SGK3: variants seen among roughly 807,000 people sequenced by gnomAD.
The protein encoded by SGK3 is serine/threonine-protein kinase Sgk3.
SGK3 carries 47 observed loss-of-function variants against 68.5 expected under a neutral mutation model. That is an observed-to-expected ratio of 0.69 (90% CI 0.54 to 0.87). The LOEUF (loss-of-function observed/expected upper bound fraction) is 0.87, where lower values mean the gene tolerates loss of function less well. Among genes scored for constraint, SGK3 ranks in the 40% least tolerant of loss-of-function variants. The probability of loss-of-function intolerance (pLI) is 0.00; values close to 1 mark genes in which losing one functional copy is unlikely to be tolerated. For synonymous variants in SGK3, 181 were observed against 189.1 expected (o/e 0.96, Z 0.35); for missense variants, 479 against 575.5 (o/e 0.83, Z 1.72).
Position 66,740,722 on chromosome 8 carries a change from C to T in SGK3, c.-122+27889C>T, listed in dbSNP as rs535324749. Among the ~76,000 whole-genome samples the T allele has an allele frequency of 3.3e-5, 5 of 152,176 alleles. No homozygotes were observed. The East Asian group carries it at 7.7e-4, about 24-fold the overall frequency. On this transcript the variant is annotated intron_variant, in intron 1 of 16. Transcript: ENST00000521198. ...AGGAGGTCAAGACCAGCCTGGCCAA[C>T]ATGGCGAAACCCTGTCTCTACTGAA...
chr8:66,830,369 A>T (rs1367889216), intron 7 of SGK3, among the ~76,000 whole-genome samples: 1 of 152,270 alleles, frequency 6.6e-6, no homozygotes, highest in African/African-American at 2.4e-5. Context: ...ATCTAAATAT[A>T]GTTAAGTGTT....
intron 1 of SGK3, among the ~76,000 whole-genome samples, chr8:66,758,749 C>G (rs1288828027): frequency 6.6e-6 from 1 of 152,126 alleles, no homozygotes; most frequent in Non-Finnish European, 1.5e-5. Flanking sequence ...CTCCCGGGCT[C>G]AAGCAGTCCT....
intron 1 of SGK3, among the ~76,000 whole-genome samples, chr8:66,732,864 A>C (rs1373772512): frequency 6.6e-6 from 1 of 152,146 alleles, no homozygotes; most frequent in Non-Finnish European, 1.5e-5. Context: ...TTAAAAAAAA[A>C]AATTATTGTT....
intron 5 of SGK3, among the ~76,000 whole-genome samples, chr8:66,816,860 T>G (rs1316009649): frequency 1.3e-5 from 2 of 152,106 alleles, no homozygotes; most frequent in Non-Finnish European, 2.9e-5. Context: ...AGACAGACTC[T>G]CGCTCTATCG....
intron 3 of SGK3, among the ~76,000 whole-genome samples, chr8:66,802,342 C>A (rs1183089243): frequency 1.3e-5 from 2 of 152,146 alleles, no homozygotes; most frequent in Non-Finnish European, 2.9e-5. Flanking sequence ...TAATTGTCAA[C>A]TTCAATGTGT....
chr8:66,831,332 T>C, intron 8 of SGK3, 21 bp downstream of exon 8: 1 of 1,612,280 alleles, frequency 6.2e-7, no homozygotes, highest in South Asian at 1.1e-5. Context: ...TTTGTGAGGT[T>C]TTTATTTGGT....
At chr8:66,722,870 G>GC (rs1224258990) in intron 1 of SGK3, among the ~76,000 whole-genome samples, 1 of 151,724 alleles carries the variant, frequency 6.6e-6, no homozygotes, top group Non-Finnish European at 1.5e-5. Flanking sequence ...AGGAGCAAGA[G>GC]CAAGAGTGGT....
At chr8:66,852,186 T>C (rs554512095) in intron 16 of SGK3, among the ~76,000 whole-genome samples, 1 of 151,962 alleles carries the variant, frequency 6.6e-6, no homozygotes, top group African/African-American at 2.4e-5. Context: ...GAATAGAATA[T>C]AAGCCAAGAC....
At position 66,804,439 on chromosome 8, in the gene SGK3, T is replaced by A; in HGVS notation, c.245T>A (p.Phe82Tyr). The stretch of plus-strand genomic sequence containing the variant: ...GCCAAGAGAATATTTGGTGATAATT[T>A]TGATCCAGGTAAGAAACAACTTCAT... ...IPAKRIFGDN[F>Y]DPDFIKQRRA... is the part of the protein sequence containing the mutation. The change falls in exon 4 of 17, where the codon TTT (phenylalanine) becomes TAT (tyrosine). Residue 82 changes from phenylalanine (F) to tyrosine (Y), a missense_variant. Transcript: ENST00000521198. 1 of 1,612,546 alleles carries A rather than the reference T, an allele frequency of 6.2e-7. No individual in the cohort carries two copies. Among genetic ancestry groups the A allele is most frequent in the Non-Finnish European group, 8.5e-7 (1 of 1,179,444 alleles).
rs111728848 is a variant in SGK3 at position 66,727,720 on chromosome 8, C to T, written c.-122+14887C>T. On this transcript the variant is annotated intron_variant, in intron 1 of 16. Coordinates refer to ENST00000521198, the MANE Select transcript of SGK3 (RefSeq NM_001033578.3). ...CCATTCAAGGACACAGCAAGAGGCCCTCAACAGGTGCTGACACCTTGATCT... is the reference window on the plus strand; with the variant it reads ...CCATTCAAGGACACAGCAAGAGGCCTTCAACAGGTGCTGACACCTTGATCT... 8.8e-3 allele frequency among the ~76,000 whole-genome samples: 1,338 copies of T among 152,284 alleles called. 23 individuals carry two copies. Among genetic ancestry groups the T allele is most frequent in the African/African-American group, 0.031 (1,277 of 41,558 alleles).
rs968808036 is a variant in SGK3 at position 66,853,153 on chromosome 8, C to A, written c.1320+2233C>A. On this transcript the variant is annotated intron_variant, in intron 16 of 16. Transcript: ENST00000521198. ...TAATTAATAATACCTTTTTTTAATT[C>A]TTTTCCCTCTGGGAATGTTTTCATT... Among the ~76,000 whole-genome samples the A allele has an allele frequency of 2.6e-5, 4 of 152,000 alleles. No individual in the cohort carries two copies. In the East Asian group the frequency reaches 5.8e-4, roughly 22 times the overall value.
intron 4 of SGK3, among the ~76,000 whole-genome samples, chr8:66,809,291 C>T (rs1020662596): frequency 6.6e-6 from 1 of 152,170 alleles, no homozygotes; most frequent in African/African-American, 2.4e-5. Flanking sequence ...CCATTTCCCT[C>T]TCAAAGGAAC....
chr8:66,849,849 G>A (rs747887448), intron 15 of SGK3, among the ~76,000 whole-genome samples: 13 of 152,148 alleles, frequency 8.5e-5, no homozygotes, highest in Non-Finnish European at 1.6e-4. Context: ...AAAGTGCTGG[G>A]ATTATAGGTG....
intron 1 of SGK3, among the ~76,000 whole-genome samples, chr8:66,729,116 G>A (rs1805063049): frequency 6.6e-6 from 1 of 151,560 alleles, no homozygotes; most frequent in South Asian, 2.1e-4. Flanking sequence ...CTACTTGGGA[G>A]GCTGAGGCAG....
intron 1 of SGK3, among the ~76,000 whole-genome samples, chr8:66,738,839 C>A (rs1805399743): frequency 6.6e-6 from 1 of 152,112 alleles, no homozygotes; most frequent in Non-Finnish European, 1.5e-5. Context: ...ACCATGTTAG[C>A]CAGGATGGTC....
intron 1 of SGK3, among the ~76,000 whole-genome samples, chr8:66,754,192 G>A (rs978857797): frequency 6.6e-6 from 1 of 152,182 alleles, no homozygotes; most frequent in African/African-American, 2.4e-5. Context: ...GCACACAAGG[G>A]TCTTGGCAGC....
intron 15 of SGK3, 67 bp from the exon 16 acceptor site, chr8:66,850,764 A>C (rs2130747847): frequency 1.4e-6 from 2 of 1,470,904 alleles, no homozygotes; most frequent in East Asian, 4.9e-5. Flanking sequence ...TGGCTTCATA[A>C]AATTATGCAG....
intron 1 of SGK3, among the ~76,000 whole-genome samples, chr8:66,757,545 C>A (rs1806016603): frequency 6.6e-6 from 1 of 151,610 alleles, no homozygotes; most frequent in Admixed American, 6.6e-5. Context: ...ACTGAGTACC[C>A]CAAGGAGTTT....
At chr8:66,796,567 G>C (rs1244978257) in intron 2 of SGK3, among the ~76,000 whole-genome samples, 1 of 151,650 alleles carries the variant, frequency 6.6e-6, no homozygotes, top group Non-Finnish European at 1.5e-5. Flanking sequence ...CGAAGTGCTG[G>C]GATTACAGGA....
Sources: gnomAD v4.1 joint callset for allele counts (sites outside exome capture counted in the v4.1 genomes callset) on GRCh38, gnomAD v4.1.1 for gene constraint, MANE v1.5 for transcripts, NCBI Gene and HGNC (gene_info 2026-07-23, HGNC 2026-07-21) for gene names.